GLIS3: variants seen among roughly 807,000 people sequenced by gnomAD.
The protein encoded by GLIS3 is zinc finger protein GLIS3.
GLIS3 carries 53 observed loss-of-function variants against 78.6 expected under a neutral mutation model. The ratio of observed to expected loss-of-function variants is 0.67; its 90% CI spans 0.54 to 0.85. The LOEUF (loss-of-function observed/expected upper bound fraction) is 0.85, where lower values mean the gene tolerates loss of function less well. Among genes scored for constraint, GLIS3 ranks in the 40% least tolerant of loss-of-function variants. GLIS3 has a pLI of 0.00. For missense variants in GLIS3, 1,703 were observed against 1,231.1 expected (o/e 1.38, Z -5.74); for synonymous variants, 684 against 509.9 (o/e 1.34, Z -4.60).
intron 4 of GLIS3, among the ~76,000 whole-genome samples, chr9:3,986,540 A>G (rs889614424): frequency 1.3e-5 from 2 of 152,200 alleles, no homozygotes; most frequent in Admixed American, 6.5e-5. Flanking sequence ...TGAGTTCTCA[A>G]TTCATATAAG....
intron 2 of GLIS3, among the ~76,000 whole-genome samples, chr9:4,316,545 T>C (rs1431559784): frequency 6.6e-6 from 1 of 152,220 alleles, no homozygotes; most frequent in Non-Finnish European, 1.5e-5. Flanking sequence ...GTTCTCTACA[T>C]GTCTATGTGG....
At chr9:4,105,715 T>C (rs767842804) in intron 4 of GLIS3, among the ~76,000 whole-genome samples, 7 of 152,192 alleles carry the variant, frequency 4.6e-5, no homozygotes, top group African/African-American at 1.4e-4. Context: ...ACTATCTCAA[T>C]AGAGTAAGCA....
the GLIS3 span, among the ~76,000 whole-genome samples, chr9:4,367,367 C>T: frequency 5.9e-5 from 9 of 152,250 alleles, no homozygotes; most frequent in South Asian, 4.1e-4. Flanking sequence ...CTAAGTCTTA[C>T]ATATCCTTTA....
At chr9:4,449,696 G>A in the GLIS3 span, among the ~76,000 whole-genome samples, 2 of 152,190 alleles carry the variant, frequency 1.3e-5, no homozygotes, top group Non-Finnish European at 2.9e-5. Context: ...TGATACCTAG[G>A]CAAGAGGGTC....
chr9:4,273,448 C>T (rs192939147), intron 2 of GLIS3, among the ~76,000 whole-genome samples: 1 of 152,128 alleles, frequency 6.6e-6, no homozygotes, highest in East Asian at 1.9e-4. Flanking sequence ...ATAAAATTAG[C>T]TGGGCATGGT....
rs546871437 is a variant in GLIS3 at position 4,277,171 on chromosome 9, T to C, written c.388+8867A>G. Among the ~76,000 whole-genome samples, 822 of 152,278 alleles carry C rather than the reference T, an allele frequency of 5.4e-3. 9 individuals are homozygous for C. Among genetic ancestry groups the C allele is most frequent in the Non-Finnish European group, 8.1e-3 (548 of 68,016 alleles). On this transcript the variant is annotated intron_variant, in intron 2 of 10. Coordinates refer to ENST00000381971, the MANE Select transcript of GLIS3 (RefSeq NM_001042413.2). ...TTCAACACGGTACACACACTGGTGTTAGCAGACTTTTTTCATTGTCTGTTG... is the reference window on the plus strand; with the variant it reads ...TTCAACACGGTACACACACTGGTGTCAGCAGACTTTTTTCATTGTCTGTTG...
chr9:4,478,076 G>T, the GLIS3 span, among the ~76,000 whole-genome samples: 1 of 152,110 alleles, frequency 6.6e-6, no homozygotes, highest in Admixed American at 6.5e-5. Context: ...AGAAATAACT[G>T]ATTCCAGTTT....
At chr9:4,032,923 G>C (rs1025448108) in intron 4 of GLIS3, among the ~76,000 whole-genome samples, 1 of 151,286 alleles carries the variant, frequency 6.6e-6, no homozygotes, top group Non-Finnish European at 1.5e-5. Context: ...GCGCAATCTC[G>C]GCTCACTGCA....
intron 8 of GLIS3, among the ~76,000 whole-genome samples, chr9:3,875,102 C>T (rs1374810707): frequency 6.6e-6 from 1 of 152,204 alleles, no homozygotes; most frequent in Non-Finnish European, 1.5e-5. Flanking sequence ...GTCTAACAGA[C>T]ATACTATGAA....
At chr9:4,041,397 T>G (rs1381779207) in intron 4 of GLIS3, among the ~76,000 whole-genome samples, 1 of 152,216 alleles carries the variant, frequency 6.6e-6, no homozygotes, top group Non-Finnish European at 1.5e-5. Flanking sequence ...TTGAGAAGCC[T>G]TGCTTTAGGC....
chr9:3,885,974 C>T (rs977026168), intron 7 of GLIS3, among the ~76,000 whole-genome samples: 6 of 152,352 alleles, frequency 3.9e-5, no homozygotes, highest in African/African-American at 1.4e-4. Flanking sequence ...TAATACCTCA[C>T]TGGACTGTGA....
chr9:4,044,682 G>C (rs1480214310), intron 4 of GLIS3, among the ~76,000 whole-genome samples: 1 of 152,136 alleles, frequency 6.6e-6, no homozygotes, highest in African/African-American at 2.4e-5. Flanking sequence ...CTCAGAAAGA[G>C]GTCATGGGCA....
At chr9:4,288,558 C>A (rs913654166) in intron 1 of GLIS3, among the ~76,000 whole-genome samples, 1 of 151,992 alleles carries the variant, frequency 6.6e-6, no homozygotes, top group African/African-American at 2.4e-5. Context: ...GATAAAAACA[C>A]ATAAGGAGGT....
At chr9:4,325,206 CA>C (rs1817583192) in intron 2 of GLIS3, among the ~76,000 whole-genome samples, 1 of 152,158 alleles carries the variant, frequency 6.6e-6, no homozygotes, top group East Asian at 1.9e-4. Flanking sequence ...GCTGCAAATA[CA>C]ATCACATTTT....
intron 8 of GLIS3, among the ~76,000 whole-genome samples, chr9:3,874,298 G>A (rs965251933): frequency 1.3e-5 from 2 of 152,244 alleles, no homozygotes; most frequent in Non-Finnish European, 2.9e-5. Context: ...ACTGGGTTCA[G>A]AGAGCTTCTG....
At chr9:4,342,638 T>C (rs767419075) in intron 2 of GLIS3, among the ~76,000 whole-genome samples, 12 of 152,358 alleles carry the variant, frequency 7.9e-5, no homozygotes, top group Non-Finnish European at 1.2e-4. Flanking sequence ...GTGAAGAATG[T>C]CATTGGTGGT....
the GLIS3 span, among the ~76,000 whole-genome samples, chr9:4,447,414 A>G: frequency 1.2e-4 from 19 of 152,082 alleles, no homozygotes; most frequent in Non-Finnish European, 2.8e-4. Context: ...TATTTCTACC[A>G]GGAAGTAGTC....
At chr9:3,858,713 A>G (rs753530307) in intron 8 of GLIS3, among the ~76,000 whole-genome samples, 2 of 152,218 alleles carry the variant, frequency 1.3e-5, no homozygotes, top group African/African-American at 2.4e-5. Flanking sequence ...AAGGAAAGAA[A>G]TAGTACAAAA....
the GLIS3 span, among the ~76,000 whole-genome samples, chr9:4,475,269 A>G: frequency 4.5e-4 from 68 of 152,358 alleles, no homozygotes; most frequent in African/African-American, 1.6e-3. Flanking sequence ...AAGATGGACA[A>G]CCTTATAGTA....
Sources: gnomAD v4.1 joint callset for allele counts (sites outside exome capture counted in the v4.1 genomes callset) on GRCh38, gnomAD v4.1.1 for gene constraint, MANE v1.5 for transcripts, NCBI Gene and HGNC (gene_info 2026-07-23, HGNC 2026-07-21) for gene names.